Variants in LRBA observed in about 807,000 individuals in gnomAD.
LRBA encodes LPS responsive beige-like anchor protein, also known as lipopolysaccharide-responsive and beige-like anchor protein.
LRBA carries 176 observed loss-of-function variants against 330.0 expected under a neutral mutation model. The ratio of observed to expected loss-of-function variants is 0.53; its 90% CI spans 0.47 to 0.60. LRBA has a LOEUF of 0.60. Ranked by LOEUF, LRBA falls within the 20% of genes least tolerant of loss-of-function variation. The pLI, the probability that LRBA is intolerant of heterozygous loss-of-function variation, is 0.00. For missense variants in LRBA, 3,259 were observed against 3,444.8 expected (o/e 0.95, Z 1.35); for synonymous variants, 1,230 against 1,193.0 (o/e 1.03, Z -0.64).
chr4:150,672,522 T>C (rs184338613), intron 37 of LRBA, among the ~76,000 whole-genome samples: 40 of 152,162 alleles, frequency 2.6e-4, no homozygotes, highest in African/African-American at 9.6e-4. Context: ...AAGCAATTTT[T>C]CATATATCAA....
At chr4:150,805,571 GAA>G (rs1560842693) in intron 33 of LRBA, among the ~76,000 whole-genome samples, 1 of 120,292 alleles carries the variant, frequency 8.3e-6, no homozygotes, top group East Asian at 2.5e-4. Context: ...GAAAGGAAAG[GAA>G]AGGAAAGGAA....
At chr4:150,369,295 T>C (rs1460933725) in intron 47 of LRBA, among the ~76,000 whole-genome samples, 2 of 152,158 alleles carry the variant, frequency 1.3e-5, no homozygotes, top group Admixed American at 6.5e-5. Flanking sequence ...AATAATCAAA[T>C]GTTATAAAAT....
chr4:150,292,607 G>T (rs1728458984), intron 53 of LRBA, among the ~76,000 whole-genome samples: 1 of 152,018 alleles, frequency 6.6e-6, no homozygotes, highest in Non-Finnish European at 1.5e-5. Context: ...TATCCCACTT[G>T]TTCACCCATT....
chr4:150,692,904 C>T (rs1784266570), intron 36 of LRBA, among the ~76,000 whole-genome samples: 1 of 152,110 alleles, frequency 6.6e-6, no homozygotes, highest in Non-Finnish European at 1.5e-5. Context: ...AAAATATGAA[C>T]ATTTTGTAAT....
At chr4:150,426,826 T>C (rs192756324) in intron 46 of LRBA, among the ~76,000 whole-genome samples, 1 of 151,862 alleles carries the variant, frequency 6.6e-6, no homozygotes, top group African/African-American at 2.4e-5. Flanking sequence ...TTATTTTTTT[T>C]ATTAGCAATG....
intron 47 of LRBA, among the ~76,000 whole-genome samples, chr4:150,388,752 G>T (rs1301449174): frequency 6.6e-6 from 1 of 152,162 alleles, no homozygotes; most frequent in African/African-American, 2.4e-5. Context: ...AGAAGGCAGG[G>T]ACTTTATCAT....
chr4:150,894,663 C>T (rs1729866848), intron 16 of LRBA, among the ~76,000 whole-genome samples: 2 of 152,136 alleles, frequency 1.3e-5, no homozygotes, highest in South Asian at 4.1e-4. Context: ...ACCGAATTTT[C>T]ATTAAGTTAA....
chr4:150,678,250 A>G (rs1270230868), intron 37 of LRBA, among the ~76,000 whole-genome samples: 1 of 151,942 alleles, frequency 6.6e-6, no homozygotes, highest in Non-Finnish European at 1.5e-5. Flanking sequence ...CCAAGAAAAA[A>G]AAAAAAAAAG....
intron 37 of LRBA, among the ~76,000 whole-genome samples, chr4:150,654,812 C>T (rs577696408): frequency 1.5e-4 from 23 of 152,092 alleles, no homozygotes; most frequent in South Asian, 4.2e-4. Context: ...TTTGTCCTTG[C>T]GATAGTTTGC....
At chr4:150,661,854 A>G (rs1167368275) in intron 37 of LRBA, among the ~76,000 whole-genome samples, 4 of 152,030 alleles carry the variant, frequency 2.6e-5, no homozygotes, top group Admixed American at 2.6e-4. Context: ...AACTGACCTC[A>G]AGTGATCCAC....
At chr4:150,810,510 A>G (rs1350885280) in intron 31 of LRBA, among the ~76,000 whole-genome samples, 1 of 152,190 alleles carries the variant, frequency 6.6e-6, no homozygotes, top group Non-Finnish European at 1.5e-5. Context: ...AACTGTACCT[A>G]AAAACTCTAA....
In LRBA at chr4:150,932,205, T is replaced by C. The variant is rs963128915; in HGVS notation, c.217-3140A>G. ...TGGACTTCATATTGACATATTTAAC[T>C]ACATAATAATCAGAAACTCTATATG... is the stretch of plus-strand genomic sequence containing the variant. On this transcript the variant is annotated intron_variant, in intron 2 of 56. Transcript: ENST00000651943. 2.6e-5 allele frequency among the ~76,000 whole-genome samples: 4 copies of C among 151,986 alleles called. No homozygotes were observed. The East Asian group carries it at 7.7e-4, about 29-fold the overall frequency.
At chr4:150,992,453 T>C (rs894430960) in intron 2 of LRBA, among the ~76,000 whole-genome samples, 9 of 152,034 alleles carry the variant, frequency 5.9e-5, no homozygotes, top group African/African-American at 1.9e-4. Context: ...AAACGAAGTG[T>C]AGGATGAGTT....
Position 150,868,198 on chromosome 4 carries a change from T to C in LRBA, c.2557A>G (p.Ser853Gly). 1.9e-6 allele frequency: 3 copies of C among 1,612,112 alleles called. No individual in the cohort carries two copies. The highest frequency in any genetic ancestry group is 1.7e-6 in the Non-Finnish European group (2 of 1,178,782). Residue 853 changes from serine to glycine, a missense_variant, in exon 21 of 57, where the codon AGT becomes GGT. By Grantham distance (56) the Ser-to-Gly change is moderately conservative. Coordinates refer to ENST00000651943, the MANE Select transcript of LRBA (RefSeq NM_001364905.1). ...TCAGCTTACCTCCTGTTTTCTCTACTGTTATTAAAAAGTTTAATCATGTCA... is the reference window on the plus strand; with the variant it reads ...TCAGCTTACCTCCTGTTTTCTCTACCGTTATTAAAAAGTTTAATCATGTCA... ...LSDMIKLFNN[S>G]RENRRSLLQC...
intron 2 of LRBA, among the ~76,000 whole-genome samples, chr4:150,991,609 C>T (rs1406751356): frequency 6.6e-6 from 1 of 152,034 alleles, no homozygotes; most frequent in African/African-American, 2.4e-5. Flanking sequence ...TTCTGGAAAA[C>T]AAAGTGACAG....
intron 2 of LRBA, among the ~76,000 whole-genome samples, chr4:151,002,969 G>C (rs549956938): frequency 6.6e-6 from 1 of 151,794 alleles, no homozygotes; most frequent in East Asian, 1.9e-4. Context: ...AACCGAGATC[G>C]CACTACTGCA....
At chr4:150,361,104 T>C (rs1046063462) in intron 47 of LRBA, among the ~76,000 whole-genome samples, 1 of 152,190 alleles carries the variant, frequency 6.6e-6, no homozygotes, top group Non-Finnish European at 1.5e-5. Flanking sequence ...ACATCTGTAA[T>C]GTGTATGTAT....
chr4:150,348,556 A>C (rs1284286853), intron 48 of LRBA, among the ~76,000 whole-genome samples: 1 of 152,202 alleles, frequency 6.6e-6, no homozygotes, highest in Non-Finnish European at 1.5e-5. Context: ...ACAAAAAACA[A>C]TATGCTGGTA....
Position 151,014,523 on chromosome 4 carries a change from G to A in LRBA, c.120C>T (p.Pro40=), listed in dbSNP as rs759813645. The part of the protein sequence containing the change: ...GGALSLKPGL[P]IRGIRMKFAV... The stretch of plus-strand genomic sequence containing the variant: ...CAAATTTCATTCTGATGCCCCTGAT[G>A]GGGAGCCCTGGTTTCAGAGACAATG... Residue 40 remains proline, a synonymous_variant, in exon 2 of 57, where the codon CCC becomes CCT. Transcript: ENST00000651943. 3.7e-6 allele frequency: 6 copies of A among 1,613,982 alleles called. No individual in the cohort carries two copies. The highest frequency in any genetic ancestry group is 5.1e-6 in the Non-Finnish European group (6 of 1,180,010).
Sources: allele counts gnomAD v4.1 joint callset (sites outside exome capture counted in the v4.1 genomes callset), GRCh38; gene constraint gnomAD v4.1.1; transcripts MANE v1.5; gene names NCBI Gene and HGNC (gene_info 2026-07-23, HGNC 2026-07-21).